The following SCN1B variants were observed in gnomAD, a reference collection of about 807,000 sequenced individuals.
SCN1B encodes sodium channel regulatory subunit beta-1.
In SCN1B, 11 loss-of-function variants were observed where a neutral mutation model predicts 25.7. The ratio of observed to expected loss-of-function variants is 0.43; its 90% CI spans 0.27 to 0.71. The LOEUF (loss-of-function observed/expected upper bound fraction) is 0.71. Ranked by LOEUF, SCN1B falls within the 30% of genes least tolerant of loss-of-function variation. The pLI, the probability that SCN1B is intolerant of heterozygous loss-of-function variation, is 0.21. For missense variants in SCN1B, 224 were observed against 291.5 expected, an observed-to-expected ratio of 0.77 and a Z score of 1.69; for synonymous variants, 119 against 117.5, an observed-to-expected ratio of 1.01 and a Z score of -0.08.
intron 1 of SCN1B, among the ~76,000 whole-genome samples, 173 bp downstream of exon 1, chr19:35,031,033 G>T (rs2064210175): frequency 6.6e-6 from 1 of 152,006 alleles, no homozygotes; most frequent in African/African-American, 2.4e-5. Context: ...CTTGGGGAGG[G>T]CAGTGGAGGT....
chr19:35,039,055 A>T, intron 3 of SCN1B, 62 bp from the exon 4 acceptor site: 1 of 1,600,520 alleles, frequency 6.2e-7, no homozygotes, highest in Non-Finnish European at 8.6e-7. Context: ...CAGCAAGCTC[A>T]CAGCACACTC....
At position 35,040,214 on chromosome 19, in the gene SCN1B, C is replaced by T; in HGVS notation, c.*423C>T. 1 of 175,330 alleles carries T rather than the reference C, an allele frequency of 5.7e-6. No individual in the cohort carries two copies. The highest frequency in any genetic ancestry group is 1.2e-5 in the Non-Finnish European group (1 of 80,526). The allele number at this position is 175,330 out of a possible 1,614,324, so 10.9% of individuals were successfully genotyped here. On this transcript the variant is annotated 3_prime_UTR_variant, in exon 6 of 6. Coordinates refer to ENST00000262631, the MANE Select transcript of SCN1B (RefSeq NM_001037.5). ...CAGGGGTCGCGATGATGGGCTGGAG[C>T]AGTTTGGGGCAGGGGGTTCTGGGAC...
In SCN1B at chr19:35,032,537, C is replaced by T. The variant is rs2064220382; in HGVS notation, c.50C>T (p.Ala17Val). The T allele has an allele frequency of 6.2e-7, 1 of 1,613,692 alleles. No individual in the cohort carries two copies. Among genetic ancestry groups the T allele is most frequent in the African/African-American group, 1.3e-5 (1 of 74,926 alleles). ...CCTGCTGTCCCCACAGTGTCCTCAG[C>T]CTGCGGGGGCTGCGTGGAGGTGGAC... ...LVVGAALVSSACGGCVEVDSE... is the reference protein window; with the variant it reads ...LVVGAALVSSVCGGCVEVDSE... Residue 17 changes from alanine to valine, a missense_variant, in exon 2 of 6, where the codon GCC becomes GTC. By Grantham distance (64) the Ala-to-Val change is moderately conservative (BLOSUM62 0). Coordinates refer to ENST00000262631, the MANE Select transcript of SCN1B (RefSeq NM_001037.5). The surrounding 1 kb of genome is among the most constrained non-coding windows in gnomAD (Gnocchi z 4.3).
chr19:35,030,690 G>T lies in SCN1B; in HGVS notation c.-131G>T. 5.5e-6 allele frequency: 1 copy of T among 180,614 alleles called. No individual in the cohort carries two copies. The allele number at this position is 180,614 out of a possible 1,614,324, so 11.2% of individuals were successfully genotyped here. A position where few individuals can be genotyped will look rare whatever the true frequency, so the allele number is the denominator to read the frequency against. Reference sequence around the variant, plus strand: ...GCGCCCCCCCTCCTCCCCCCTCGCCGGTCCCAGAGCCGCAGCTGCTGCGCC... The same window carrying T: ...GCGCCCCCCCTCCTCCCCCCTCGCCTGTCCCAGAGCCGCAGCTGCTGCGCC... On this transcript the variant is annotated 5_prime_UTR_variant, in exon 1 of 6. Coordinates refer to ENST00000262631, the MANE Select transcript of SCN1B (RefSeq NM_001037.5).
rs747063451 is a variant in SCN1B at position 35,033,854 on chromosome 19, C to T, written c.448+115C>T. 1.9e-6 allele frequency: 3 copies of T among 1,611,164 alleles called. No homozygotes were observed. The highest frequency in any genetic ancestry group is 3.3e-5 in the Admixed American group (2 of 59,836). ...CTCTGTGCCTGGCCAGCCAACCGCCCACAGCAGCGGGCTGAGGGGGAGGGG... is the reference window on the plus strand; with the variant it reads ...CTCTGTGCCTGGCCAGCCAACCGCCTACAGCAGCGGGCTGAGGGGGAGGGG... On this transcript the variant is annotated intron_variant, in intron 3 of 5. Transcript: ENST00000262631.
At chr19:35,037,124 G>A (rs538662856) in intron 3 of SCN1B, 33 of 152,240 alleles carry the variant, frequency 2.2e-4, no homozygotes, top group African/African-American at 7.9e-4. Context: ...TTGCCTCCTG[G>A]TAATGACCCC....
Position 35,034,096 on chromosome 19 carries a change from T to C in SCN1B, c.448+357T>C, listed in dbSNP as rs757484205. The stretch of plus-strand genomic sequence containing the variant: ...CCGATGTGTTTCTCGGGGTGTGGTT[T>C]GAGCCATTCTTCCATCATGGGGTTC... On this transcript the variant is annotated intron_variant, in intron 3 of 5. Transcript: ENST00000262631. 6 of 1,551,658 alleles carry C rather than the reference T, an allele frequency of 3.9e-6. No homozygotes were observed. In the East Asian group the frequency reaches 1.5e-4, roughly 38 times the overall value.
chr19:35,030,800 C>T lies in SCN1B; in HGVS notation c.-21C>T. 1 of 1,035,738 alleles carries T rather than the reference C, an allele frequency of 9.7e-7. No individual in the cohort carries two copies. Among genetic ancestry groups the T allele is most frequent in the Non-Finnish European group, 1.2e-6 (1 of 807,826 alleles). 64.2% of individuals were successfully genotyped at this position (1,035,738 alleles called of 1,614,324 possible). A position where few individuals can be genotyped will look rare whatever the true frequency, so the allele number is the denominator to read the frequency against. On this transcript the variant is annotated 5_prime_UTR_variant, in exon 1 of 6. Transcript: ENST00000262631. ...TAATACCGGCGGCCCGGGAGGGGGG[C>T]GCAGCACGCGCCGCGCAGCCATGGG...
At chr19:35,033,243 A>G (rs1391067522) in intron 2 of SCN1B, among the ~76,000 whole-genome samples, 1 of 152,026 alleles carries the variant, frequency 6.6e-6, no homozygotes, top group Non-Finnish European at 1.5e-5. Context: ...TAGAGGCCAG[A>G]TGGGGCTTGG....
intron 3 of SCN1B, chr19:35,037,255 TAGG>T (rs1024737621): frequency 2.0e-5 from 3 of 152,146 alleles, no homozygotes; most frequent in African/African-American, 7.2e-5. Context: ...CCACCTGTGT[TAGG>T]AGAAGGCAGA....
intron 2 of SCN1B, 116 bp from the exon 3 acceptor site, chr19:35,033,383 G>GCACACA: frequency 2.6e-6 from 4 of 1,567,684 alleles, no homozygotes; most frequent in Non-Finnish European, 2.6e-6. Context: ...CAAGGTGTCT[G>GCACACA]AGCCCATCTG....
At chr19:35,031,091 C>T (rs2064210554) in intron 1 of SCN1B, among the ~76,000 whole-genome samples, 1 of 151,070 alleles carries the variant, frequency 6.6e-6, no homozygotes, top group Non-Finnish European at 1.5e-5. Context: ...AGCCTGGCGG[C>T]TGCAGGCGCC....
intron 3 of SCN1B, chr19:35,038,024 C>T (rs1261951269): frequency 6.6e-6 from 1 of 152,014 alleles, no homozygotes; most frequent in Non-Finnish European, 1.5e-5. Flanking sequence ...GAAACCCTGT[C>T]TCAGCTCCTC....
rs1434707496 is a variant in SCN1B at position 35,032,914 on chromosome 19, G to A, written c.207+220G>A. On this transcript the variant is annotated intron_variant, in intron 2 of 5. Coordinates refer to ENST00000262631, the MANE Select transcript of SCN1B (RefSeq NM_001037.5). The surrounding 1 kb of genome is among the most constrained non-coding windows in gnomAD (Gnocchi z 4.3). ...TCCTCGGTAAAGACGGGGTGGCGGT[G>A]GTCTCTAGCCCATAGGTTTGTGTGA... 1.3e-5 allele frequency among the ~76,000 whole-genome samples: 2 copies of A among 152,190 alleles called. No individual in the cohort carries two copies. The highest frequency in any genetic ancestry group is 4.8e-5 in the African/African-American group (2 of 41,438).
intron 3 of SCN1B, chr19:35,034,326 A>G (rs771029432): frequency 1.5e-6 from 1 of 673,346 alleles, no homozygotes; most frequent in Non-Finnish European, 2.4e-6. Flanking sequence ...CTGCAGTCTC[A>G]CTCAACACCT....
intron 3 of SCN1B, chr19:35,038,881 T>C: frequency 1.8e-6 from 1 of 555,712 alleles, no homozygotes; most frequent in Non-Finnish European, 3.3e-6. Context: ...CTACGGCTTT[T>C]AGGCACCGTG....
In SCN1B at chr19:35,032,771, G is replaced by C; in HGVS notation, c.207+77G>C. 6.6e-7 allele frequency: 1 copy of C among 1,518,020 alleles called. No homozygotes were observed. The highest frequency in any genetic ancestry group is 9.1e-7 in the Non-Finnish European group (1 of 1,102,300). 94.0% of individuals were successfully genotyped at this position (1,518,020 alleles called of 1,614,324 possible). ...GGCGGTGGGGCTGGATCTCAGGGAG[G>C]GGGCTTATTTGTTTAATAATATGCT... On this transcript the variant is annotated intron_variant, in intron 2 of 5. Transcript: ENST00000262631. This position sits in a 1 kb window ranked among gnomAD's most constrained non-coding sequence, Gnocchi z 4.3.
At chr19:35,035,095 C>G (rs143397725) in intron 3 of SCN1B, 1 of 152,092 alleles carries the variant, frequency 6.6e-6, no homozygotes, top group Non-Finnish European at 1.5e-5. Flanking sequence ...AAGATGCCTG[C>G]GGTACTGGGA....
chr19:35,038,612 A>C (rs2064262547), intron 3 of SCN1B: 1 of 203,342 alleles, frequency 4.9e-6, no homozygotes, highest in Non-Finnish European at 1.0e-5. Context: ...CCAGCTGTTA[A>C]CCATTAGGCT....
Sources: allele counts gnomAD v4.1 joint callset (sites outside exome capture counted in the v4.1 genomes callset), GRCh38; gene constraint gnomAD v4.1.1; non-coding constraint Gnocchi (gnomAD v3.1); transcripts MANE v1.5; gene names NCBI Gene and HGNC (gene_info 2026-07-23, HGNC 2026-07-21).